DSCAM: variants seen among roughly 807,000 people sequenced by gnomAD.
DSCAM encodes the protein DS cell adhesion molecule.
In DSCAM, 47 loss-of-function variants were observed where a neutral mutation model predicts 217.7. The observed-to-expected ratio is 0.22, with a 90% CI of 0.17 to 0.28. The LOEUF is 0.28. Among genes scored for constraint, DSCAM ranks in the 10% least tolerant of loss-of-function variants. The pLI is 1.00. For synonymous variants in DSCAM, 1,056 were observed against 1,015.3 expected, an observed-to-expected ratio of 1.04 and a Z score of -0.76; for missense variants, 2,080 against 2,618.3, an observed-to-expected ratio of 0.79 and a Z score of 4.49.
chr21:40,433,346 T>TGA (rs572787402), intron 3 of DSCAM, among the ~76,000 whole-genome samples: 1 of 93,734 alleles, frequency 1.1e-5, no homozygotes. Context: ...AGACTCCGTC[T>TGA]AAAAAAAAAA....
chr21:40,225,211 G>A (rs754503965), intron 11 of DSCAM, among the ~76,000 whole-genome samples: 4 of 152,164 alleles, frequency 2.6e-5, no homozygotes, highest in Admixed American at 6.5e-5. Flanking sequence ...ACACATATGC[G>A]TACTTGTATT....
At chr21:40,349,365 C>A (rs2074604597) in intron 5 of DSCAM, among the ~76,000 whole-genome samples, 1 of 151,430 alleles carries the variant, frequency 6.6e-6, no homozygotes, top group South Asian at 2.1e-4. Context: ...GACCACGAAA[C>A]AGAGTTTTTC....
intron 3 of DSCAM, among the ~76,000 whole-genome samples, chr21:40,404,532 C>T (rs1345212024): frequency 6.6e-6 from 1 of 152,198 alleles, no homozygotes; most frequent in South Asian, 2.1e-4. Flanking sequence ...TCCCTTAACA[C>T]GTCACAGATT....
chr21:40,328,233 A>T (rs1467059753), intron 8 of DSCAM, among the ~76,000 whole-genome samples: 1 of 152,182 alleles, frequency 6.6e-6, no homozygotes, highest in Non-Finnish European at 1.5e-5. Flanking sequence ...ACACCACATG[A>T]CTTCAAAATA....
chr21:40,836,368 G>T (rs1238883778), intron 1 of DSCAM, among the ~76,000 whole-genome samples: 1 of 152,334 alleles, frequency 6.6e-6, no homozygotes, highest in Middle Eastern at 3.4e-3. Flanking sequence ...ATGGTGCAAA[G>T]AGATAGATAT....
chr21:40,029,286 A>G (rs1791801013), intron 32 of DSCAM, among the ~76,000 whole-genome samples: 1 of 152,182 alleles, frequency 6.6e-6, no homozygotes, highest in African/African-American at 2.4e-5. Context: ...TTCAAGTTTC[A>G]GACATGCACC....
At chr21:40,337,306 G>A (rs191565864) in intron 8 of DSCAM, among the ~76,000 whole-genome samples, 2 of 152,222 alleles carry the variant, frequency 1.3e-5, no homozygotes, top group East Asian at 1.9e-4. Context: ...CACAGGTTTC[G>A]GAAATAGTTT....
At chr21:40,176,745 C>A (rs1050592232) in intron 15 of DSCAM, among the ~76,000 whole-genome samples, 1 of 152,214 alleles carries the variant, frequency 6.6e-6, no homozygotes, top group African/African-American at 2.4e-5. Flanking sequence ...ACAGCCAGCA[C>A]ACCCAGATAC....
intron 3 of DSCAM, among the ~76,000 whole-genome samples, chr21:40,474,541 C>T (rs186066391): frequency 1.4e-4 from 22 of 152,192 alleles, no homozygotes; most frequent in Admixed American, 3.9e-4. Context: ...GAGCAGCAGC[C>T]GCGGGAGCTG....
At chr21:40,555,336 T>C (rs2076662586) in intron 3 of DSCAM, among the ~76,000 whole-genome samples, 1 of 152,174 alleles carries the variant, frequency 6.6e-6, no homozygotes, top group African/African-American at 2.4e-5. Flanking sequence ...CCTATAAAAA[T>C]GTTTTGATAG....
intron 3 of DSCAM, among the ~76,000 whole-genome samples, chr21:40,641,930 C>T (rs2089885316): frequency 6.6e-6 from 1 of 151,898 alleles, no homozygotes; most frequent in Non-Finnish European, 1.5e-5. Flanking sequence ...TGCCTGTAAT[C>T]CCAGCTACTC....
intron 3 of DSCAM, among the ~76,000 whole-genome samples, chr21:40,575,947 A>G (rs1387974907): frequency 6.6e-6 from 1 of 152,200 alleles, no homozygotes; most frequent in African/African-American, 2.4e-5. Flanking sequence ...ATACCATCTC[A>G]TACACACTAT....
intron 16 of DSCAM, among the ~76,000 whole-genome samples, chr21:40,155,272 G>A (rs1346027445): frequency 6.6e-6 from 1 of 152,174 alleles, no homozygotes; most frequent in African/African-American, 2.4e-5. Flanking sequence ...GCTGGCCTCT[G>A]GGAATACCCC....
chr21:40,516,715 A>G (rs2076302495), intron 3 of DSCAM, among the ~76,000 whole-genome samples: 1 of 152,136 alleles, frequency 6.6e-6, no homozygotes, highest in Non-Finnish European at 1.5e-5. Context: ...GAGAAACACA[A>G]GTGCCAGGGA....
chr21:40,087,210 C>T lies in DSCAM; in HGVS notation c.3928G>A (p.Val1310Ile), dbSNP rs778964918. Residue 1310 changes from valine to isoleucine, a missense_variant, in exon 22 of 33, where the codon GTT becomes ATT. Transcript: ENST00000400454. ...MKDIVLPCKA[V>I]GDPSPAVKWM... ...TTGACTGCAGGAGAAGGGTCCCCAA[C>T]AGCCTTACAAGGCAAGACAATGTCT... is the stretch of plus-strand genomic sequence containing the variant. 3 of 1,614,174 alleles carry T rather than the reference C, an allele frequency of 1.9e-6. No individual in the cohort carries two copies. Among genetic ancestry groups the T allele is most frequent in the Admixed American group, 1.7e-5 (1 of 60,022 alleles).
chr21:40,059,126 A>G (rs1338895760), intron 28 of DSCAM, among the ~76,000 whole-genome samples: 1 of 152,198 alleles, frequency 6.6e-6, no homozygotes, highest in East Asian at 1.9e-4. Context: ...ATGTACAATG[A>G]CTATTGGACT....
intron 16 of DSCAM, among the ~76,000 whole-genome samples, chr21:40,155,111 C>G (rs2090462434): frequency 6.6e-6 from 1 of 152,242 alleles, no homozygotes; most frequent in South Asian, 2.1e-4. Flanking sequence ...TTTTGGGACA[C>G]TCCCTTTTTG....
At chr21:40,020,032 C>A (rs996402647) in intron 32 of DSCAM, among the ~76,000 whole-genome samples, 1 of 152,038 alleles carries the variant, frequency 6.6e-6, no homozygotes, top group African/African-American at 2.4e-5. Flanking sequence ...GTGTCCCCAC[C>A]CAAATCTCTT....
At chr21:40,781,741 G>A (rs1183927651) in intron 1 of DSCAM, among the ~76,000 whole-genome samples, 1 of 151,936 alleles carries the variant, frequency 6.6e-6, no homozygotes, top group Non-Finnish European at 1.5e-5. Context: ...GGCCATTATT[G>A]CTTCTCAACA....
Sources: gnomAD v4.1 joint callset for allele counts (sites outside exome capture counted in the v4.1 genomes callset) on GRCh38, gnomAD v4.1.1 for gene constraint, MANE v1.5 for transcripts, NCBI Gene and HGNC (gene_info 2026-07-23, HGNC 2026-07-21) for gene names.